Variants in FHOD3 observed in about 807,000 individuals in gnomAD.
FHOD3 encodes formin homology 2 domain containing 3.
Under a neutral mutation model 173.0 loss-of-function variants are expected in FHOD3, and 90 were observed. The observed-to-expected ratio is 0.52, with a 90% CI of 0.44 to 0.62. FHOD3 has a LOEUF of 0.62. Ranked by LOEUF, FHOD3 falls within the 20% of genes least tolerant of loss-of-function variation. FHOD3 has a pLI of 0.00. For synonymous variants in FHOD3, 828 were observed against 823.0 expected, an observed-to-expected ratio of 1.01 and a Z score of -0.10; for missense variants, 1,945 against 2,034.7, an observed-to-expected ratio of 0.96 and a Z score of 0.85.
intron 3 of FHOD3, among the ~76,000 whole-genome samples, chr18:36,392,012 G>A (rs564441566): frequency 3.9e-5 from 6 of 152,318 alleles, no homozygotes; most frequent in South Asian, 2.1e-4. Flanking sequence ...CACCGCACAC[G>A]TAAGCTCTGG....
chr18:36,740,564 T>A, intron 20 of FHOD3, 92 bp from the exon 21 acceptor site: 2 of 1,273,336 alleles, frequency 1.6e-6, no homozygotes, highest in Non-Finnish European at 2.2e-6. Context: ...ACTACCTGGT[T>A]GGAAAATTAT....
chr18:36,602,772 G>T lies in FHOD3; in HGVS notation c.813+4G>T. On this transcript the variant is annotated splice_donor_region_variant and intron_variant, in intron 8 of 28. Transcript: ENST00000590592. ...TGCAATGACTTTGGTGAACAAGGTTGGTTGACTATGTTATGGGTTGAATTG... is the reference window on the plus strand; with the variant it reads ...TGCAATGACTTTGGTGAACAAGGTTTGTTGACTATGTTATGGGTTGAATTG... The T allele has an allele frequency of 6.2e-7, 1 of 1,610,676 alleles. No homozygotes were observed. The highest frequency in any genetic ancestry group is 1.3e-5 in the African/African-American group (1 of 74,988).
At chr18:36,322,776 G>A (rs2044465701) in intron 1 of FHOD3, among the ~76,000 whole-genome samples, 1 of 152,106 alleles carries the variant, frequency 6.6e-6, no homozygotes, top group African/African-American at 2.4e-5. Flanking sequence ...TGTGCTTGCT[G>A]GCTTTGTCAT....
chr18:36,424,800 A>C (rs2050157316), intron 3 of FHOD3, among the ~76,000 whole-genome samples: 1 of 152,244 alleles, frequency 6.6e-6, no homozygotes, highest in Non-Finnish European at 1.5e-5. Flanking sequence ...TCTGAGTAGC[A>C]TGATGAAATC....
rs187249952 is a variant in FHOD3 at position 36,411,692 on chromosome 18, C to T, written c.337+38948C>T. Reference sequence around the variant, plus strand: ...ACTGATCCTGTGGGTTTATCTCCACCACCTGGCCTGAGTGGCCCAGGAGAA... The same window carrying T: ...ACTGATCCTGTGGGTTTATCTCCACTACCTGGCCTGAGTGGCCCAGGAGAA... On this transcript the variant is annotated intron_variant, in intron 3 of 28. Transcript: ENST00000590592. Among the ~76,000 whole-genome samples the T allele has an allele frequency of 3.4e-3, 521 of 152,334 alleles. 2 individuals carry two copies. The highest frequency in any genetic ancestry group is 0.012 in the African/African-American group (489 of 41,576).
At chr18:36,740,129 A>G (rs1600499766) in intron 20 of FHOD3, among the ~76,000 whole-genome samples, 1 of 152,328 alleles carries the variant, frequency 6.6e-6, no homozygotes, top group East Asian at 1.9e-4. Flanking sequence ...AATAGAAGTA[A>G]AAAGGTATAC....
intron 9 of FHOD3, among the ~76,000 whole-genome samples, chr18:36,619,984 C>T (rs2033569955): frequency 6.6e-6 from 1 of 152,150 alleles, no homozygotes; most frequent in South Asian, 2.1e-4. Flanking sequence ...GCCTGGGGGA[C>T]ATTGAGATCC....
intron 28 of FHOD3, among the ~76,000 whole-genome samples, chr18:36,769,871 C>A (rs2043300397): frequency 6.6e-6 from 1 of 152,106 alleles, no homozygotes; most frequent in African/African-American, 2.4e-5. Flanking sequence ...TGCCCACAAG[C>A]ATGTTGAAGG....
intron 5 of FHOD3, among the ~76,000 whole-genome samples, chr18:36,518,447 A>G (rs2056105070): frequency 6.6e-6 from 1 of 152,200 alleles, no homozygotes; most frequent in Admixed American, 6.5e-5. Context: ...CTTCAGCTCC[A>G]GGTGGGTTGA....
At chr18:36,457,564 C>G (rs56893908) in intron 3 of FHOD3, among the ~76,000 whole-genome samples, 1 of 151,916 alleles carries the variant, frequency 6.6e-6, no homozygotes. Flanking sequence ...GGGAAAGGAG[C>G]AGCTTTTGTA....
In FHOD3 at chr18:36,483,625, A is replaced by G. The variant is rs184660130; in HGVS notation, c.338-18307A>G. Among the ~76,000 whole-genome samples, 277 of 152,336 alleles carry G rather than the reference A, an allele frequency of 1.8e-3. 2 individuals are homozygous for G. Among genetic ancestry groups the G allele is most frequent in the African/African-American group, 6.6e-3 (274 of 41,572 alleles). ...CACATTACCAAGTATTTTCACATGA[A>G]CAGGGTAGGTTTTATATTAACCCAT... On this transcript the variant is annotated intron_variant, in intron 3 of 28. Coordinates refer to ENST00000590592, the MANE Select transcript of FHOD3 (RefSeq NM_001281740.3).
At chr18:36,688,377 G>A (rs2038761147) in intron 16 of FHOD3, among the ~76,000 whole-genome samples, 1 of 152,222 alleles carries the variant, frequency 6.6e-6, no homozygotes, top group South Asian at 2.1e-4. Flanking sequence ...AGTCTCTGAG[G>A]CAGGGAAGAG....
rs543023905 is a variant in FHOD3 at position 36,452,058 on chromosome 18, G to A, written c.338-49874G>A. On this transcript the variant is annotated intron_variant, in intron 3 of 28. Coordinates refer to ENST00000590592, the MANE Select transcript of FHOD3 (RefSeq NM_001281740.3). Reference sequence around the variant, plus strand: ...AGTTCTTTCAAGCTGGGCTCCTGGGGATGAGGATCTCCCGACCCAGTGACC... The same window carrying A: ...AGTTCTTTCAAGCTGGGCTCCTGGGAATGAGGATCTCCCGACCCAGTGACC... Among the ~76,000 whole-genome samples, 244 of 152,260 alleles carry A rather than the reference G, an allele frequency of 1.6e-3. 2 individuals carry two copies. The highest frequency in any genetic ancestry group is 2.1e-3 in the Non-Finnish European group (141 of 68,016).
At position 36,612,000 on chromosome 18, in the gene FHOD3, T is replaced by G. The variant is rs1432049336; in HGVS notation, c.862T>G (p.Cys288Gly). ...DQDTFYDVVD[C>G]LEELGIAAVS... Reference sequence around the variant, plus strand: ...AGACACCTTCTACGACGTCGTGGACTGCCTGGAGGAGCTGGGCATTGCTGC... The same window carrying G: ...AGACACCTTCTACGACGTCGTGGACGGCCTGGAGGAGCTGGGCATTGCTGC... The change falls in exon 9 of 29, where the codon TGC (cysteine) becomes GGC (glycine). Residue 288 changes from cysteine (C) to glycine (G), a missense_variant. Physicochemically the swap from Cys to Gly is radical, Grantham distance 159 (BLOSUM62 -3). Transcript: ENST00000590592. 2 of 1,614,056 alleles carry G rather than the reference T, an allele frequency of 1.2e-6. No individual in the cohort carries two copies. Among genetic ancestry groups the G allele is most frequent in the East Asian group, 4.5e-5 (2 of 44,884 alleles).
intron 3 of FHOD3, among the ~76,000 whole-genome samples, chr18:36,452,251 T>C (rs936729608): frequency 2.0e-5 from 3 of 152,156 alleles, no homozygotes; most frequent in African/African-American, 7.2e-5. Flanking sequence ...TCCAGGACTG[T>C]AGAATCTAAC....
chr18:36,388,879 C>T (rs1226786649), intron 3 of FHOD3, among the ~76,000 whole-genome samples: 1 of 152,020 alleles, frequency 6.6e-6, no homozygotes, highest in Non-Finnish European at 1.5e-5. Flanking sequence ...AATTTGAAGA[C>T]AAATGATCTA....
chr18:36,338,892 G>A (rs1005039267), intron 1 of FHOD3, among the ~76,000 whole-genome samples: 2 of 152,172 alleles, frequency 1.3e-5, no homozygotes, highest in Non-Finnish European at 2.9e-5. Flanking sequence ...GAAGGGTGCC[G>A]TGTGGATAAA....
At chr18:36,320,639 C>T (rs2044348356) in intron 1 of FHOD3, among the ~76,000 whole-genome samples, 1 of 152,186 alleles carries the variant, frequency 6.6e-6, no homozygotes, top group Non-Finnish European at 1.5e-5. Context: ...TTTATGAGGC[C>T]AGCATCATCC....
At chr18:36,502,105 AT>A in intron 4 of FHOD3, 106 bp downstream of exon 4, 1 of 615,898 alleles carries the variant, frequency 1.6e-6, no homozygotes, top group Non-Finnish European at 2.7e-6. Flanking sequence ...ACAAATTTAG[AT>A]TACAATATTT....
Sources: allele counts gnomAD v4.1 joint callset (sites outside exome capture counted in the v4.1 genomes callset), GRCh38; gene constraint gnomAD v4.1.1; transcripts MANE v1.5; gene names NCBI Gene and HGNC (gene_info 2026-07-23, HGNC 2026-07-21).